The following GRAMD4 variants were observed in gnomAD, a reference collection of about 807,000 sequenced individuals.
GRAMD4 encodes GRAM domain containing 4.
Under a neutral mutation model 83.9 loss-of-function variants are expected in GRAMD4, and 25 were observed. The ratio of observed to expected loss-of-function variants is 0.30; its 90% CI spans 0.22 to 0.42. The LOEUF (loss-of-function observed/expected upper bound fraction) is 0.42. GRAMD4 is among the 10% of genes least tolerant of loss of function. GRAMD4 has a pLI of 1.00. For synonymous variants in GRAMD4, 336 were observed against 320.9 expected (o/e 1.05, Z -0.50); for missense variants, 593 against 788.7 (o/e 0.75, Z 2.97).
At chr22:46,650,972 C>T (rs554566675) in intron 3 of GRAMD4, among the ~76,000 whole-genome samples, 2 of 152,322 alleles carry the variant, frequency 1.3e-5, no homozygotes, top group South Asian at 4.1e-4. Flanking sequence ...CCCCTCTCCT[C>T]GACATATTTT....
intron 3 of GRAMD4, among the ~76,000 whole-genome samples, chr22:46,648,009 C>A (rs2082095759): frequency 6.6e-6 from 1 of 152,262 alleles, no homozygotes; most frequent in East Asian, 1.9e-4. Context: ...TTTCCAAGGG[C>A]CTGGGCCCAG....
At chr22:46,597,742 G>A (rs1489854605) in intron 1 of GRAMD4, among the ~76,000 whole-genome samples, 1 of 152,150 alleles carries the variant, frequency 6.6e-6, no homozygotes, top group East Asian at 1.9e-4. Flanking sequence ...GCCCGCTTCG[G>A]CCTCCCAAAG....
Position 46,658,370 on chromosome 22 carries a change from C to T in GRAMD4, c.404+63C>T, listed in dbSNP as rs541680622. On this transcript the variant is annotated intron_variant, in intron 4 of 18. Transcript: ENST00000406902. ...CTGCCCCAACCCCCCACCCCACCCG[C>T]CCCGCCGTCCTCTGCTGCACCCATA... The T allele has an allele frequency of 1.2e-5, 17 of 1,452,412 alleles. No homozygotes were observed. The East Asian group carries it at 3.5e-4, about 30-fold the overall frequency. 90.0% of individuals were successfully genotyped at this position (1,452,412 alleles called of 1,614,324 possible). A position where few individuals can be genotyped will look rare whatever the true frequency, so the allele number is the denominator to read the frequency against.
intron 1 of GRAMD4, among the ~76,000 whole-genome samples, chr22:46,578,869 C>T (rs945244996): frequency 5.9e-5 from 9 of 152,176 alleles, no homozygotes; most frequent in South Asian, 2.1e-4. Flanking sequence ...TTTGTGGTCC[C>T]GGGGCAGACC....
intron 1 of GRAMD4, among the ~76,000 whole-genome samples, chr22:46,601,567 C>T (rs889784885): frequency 1.6e-4 from 25 of 151,942 alleles, no homozygotes; most frequent in African/African-American, 4.3e-4. Context: ...GAGGCTAAGG[C>T]GGGGGGATTA....
intron 1 of GRAMD4, among the ~76,000 whole-genome samples, chr22:46,623,890 T>G (rs2081614860): frequency 6.6e-6 from 1 of 151,012 alleles, no homozygotes; most frequent in Non-Finnish European, 1.5e-5. Flanking sequence ...CAAGCAATTC[T>G]CCTGCCTCAC....
intron 1 of GRAMD4, among the ~76,000 whole-genome samples, chr22:46,580,179 C>G (rs746485933): frequency 6.6e-6 from 1 of 152,198 alleles, no homozygotes; most frequent in Admixed American, 6.5e-5. Flanking sequence ...AAGCTGTGGC[C>G]GGGTTTAGTG....
chr22:46,581,417 TC>T (rs1348245729), intron 1 of GRAMD4, among the ~76,000 whole-genome samples: 1 of 152,212 alleles, frequency 6.6e-6, no homozygotes. Flanking sequence ...CCCAGTTCGT[TC>T]CCGAGCAGAG....
chr22:46,591,832 CAAAAAA>C (rs34868206), intron 1 of GRAMD4, among the ~76,000 whole-genome samples: 5 of 37,434 alleles, frequency 1.3e-4, no homozygotes, highest in Non-Finnish European at 2.1e-4. Flanking sequence ...GACTCTGTCT[CAAAAAA>C]AAAAAAAAAA....
In GRAMD4 at chr22:46,663,026, CCTG is replaced by C; in HGVS notation, c.467-12_467-10del. 6.3e-7 allele frequency: 1 copy of C among 1,598,568 alleles called. No individual in the cohort carries two copies. Among genetic ancestry groups the C allele is most frequent in the Non-Finnish European group, 8.5e-7 (1 of 1,170,864 alleles). On this transcript the variant is annotated splice_polypyrimidine_tract_variant and intron_variant, in intron 5 of 18. Transcript: ENST00000406902. ...AGCCCTGCCGTGCCCTCACCGGGTCCCTGCCCCCTGCAGAGCGCCGGAGCCAGG... is the reference window on the plus strand; with the variant it reads ...AGCCCTGCCGTGCCCTCACCGGGTCCCCCCCTGCAGAGCGCCGGAGCCAGG...
chr22:46,663,905 G>T (rs372092176), intron 7 of GRAMD4, 42 bp downstream of exon 7: 15 of 1,609,254 alleles, frequency 9.3e-6, no homozygotes, highest in African/African-American at 1.3e-5. Flanking sequence ...GATGCTCAGT[G>T]TGGGTGGGGC....
At chr22:46,633,196 G>T (rs2081802539) in intron 2 of GRAMD4, among the ~76,000 whole-genome samples, 2 of 152,182 alleles carry the variant, frequency 1.3e-5, no homozygotes, top group South Asian at 4.1e-4. Context: ...CGGAAGCCAG[G>T]GGGCCCCCAG....
intron 1 of GRAMD4, among the ~76,000 whole-genome samples, chr22:46,585,238 T>TGGAGTGC (rs914224986): frequency 6.6e-6 from 1 of 151,598 alleles, no homozygotes; most frequent in African/African-American, 2.4e-5. Context: ...TTGCCCAGGC[T>TGGAGTGC]GGAGTGCAAT....
intron 1 of GRAMD4, among the ~76,000 whole-genome samples, chr22:46,592,187 A>G (rs1235501816): frequency 6.6e-6 from 1 of 152,226 alleles, no homozygotes; most frequent in Non-Finnish European, 1.5e-5. Flanking sequence ...TTGCGCCCCC[A>G]GAGTGCCCTA....
intron 11 of GRAMD4, 80 bp downstream of exon 11, chr22:46,668,247 G>A (rs1211589850): frequency 1.3e-5 from 13 of 989,394 alleles, no homozygotes; most frequent in Non-Finnish European, 2.0e-5. Flanking sequence ...GCCGGCCAGG[G>A]GTAGGTCTCC....
chr22:46,642,665 T>C (rs1278881143), intron 3 of GRAMD4, among the ~76,000 whole-genome samples: 1 of 152,250 alleles, frequency 6.6e-6, no homozygotes, highest in Non-Finnish European at 1.5e-5. Flanking sequence ...CAAGACTTTT[T>C]TCTTCCTTTG....
chr22:46,625,782 C>T (rs2081648725), intron 1 of GRAMD4, among the ~76,000 whole-genome samples: 1 of 152,246 alleles, frequency 6.6e-6, no homozygotes. Context: ...ATCCTGGCCT[C>T]CAGGCTTTTG....
intron 1 of GRAMD4, among the ~76,000 whole-genome samples, chr22:46,579,032 A>C (rs1016504626): frequency 1.4e-4 from 22 of 152,328 alleles, no homozygotes; most frequent in Middle Eastern, 3.4e-3. Context: ...TGATGCGTGG[A>C]GTGCGGCTGT....
intron 1 of GRAMD4, among the ~76,000 whole-genome samples, chr22:46,625,575 C>T (rs1425787318): frequency 6.6e-6 from 1 of 152,280 alleles, no homozygotes; most frequent in Non-Finnish European, 1.5e-5. Flanking sequence ...GCAAAAATGT[C>T]AGCTCAGAAA....
Sources: allele counts gnomAD v4.1 joint callset (sites outside exome capture counted in the v4.1 genomes callset), GRCh38; gene constraint gnomAD v4.1.1; transcripts MANE v1.5; gene names NCBI Gene and HGNC (gene_info 2026-07-23, HGNC 2026-07-21).